Variants in PLEKHG4B observed in about 807,000 individuals in gnomAD.
PLEKHG4B encodes pleckstrin homology and RhoGEF domain containing G4B.
In PLEKHG4B, 111 loss-of-function variants were observed where a neutral mutation model predicts 121.3. That is an observed-to-expected ratio of 0.92 (90% CI 0.78 to 1.07). The LOEUF (loss-of-function observed/expected upper bound fraction) is 1.07, where lower values mean the gene tolerates loss of function less well. PLEKHG4B is among the 50% of genes least tolerant of loss of function. PLEKHG4B has a pLI of 0.00. For synonymous variants in PLEKHG4B, 738 were observed against 725.0 expected (o/e 1.02, Z -0.29); for missense variants, 1,831 against 1,757.8 (o/e 1.04, Z -0.74).
chr5:171,564 G>A, intron 16 of PLEKHG4B, 120 bp downstream of exon 16: 1 of 1,039,936 alleles, frequency 9.6e-7, no homozygotes, highest in Admixed American at 2.4e-5. Flanking sequence ...TTGCCCCGGA[G>A]AAGTCCCTCA....
rs996473053 is a variant in PLEKHG4B at position 162,838 on chromosome 5, G to C, written c.2766G>C (p.Gly922=). The change falls in exon 13 of 20, where the codon GGG becomes GGC. Residue 922 remains glycine, a synonymous_variant. Transcript: ENST00000637938. ...CGGTGGCTGCAGAGGCCTTCCCCGG[G>C]GCAGGTGTGGCAGTGCTGAAGCCTC... The part of the protein sequence containing the change: ...ATSVAAEAFP[G]AGVAVLKPHA... The C allele has an allele frequency of 4.6e-6, 7 of 1,510,366 alleles. No individual in the cohort carries two copies. Among genetic ancestry groups the C allele is most frequent in the Admixed American group, 2.2e-5 (1 of 44,708 alleles). The allele number at this position is 1,510,366 out of a possible 1,614,324, so 93.6% of individuals were successfully genotyped here. A position where few individuals can be genotyped will look rare whatever the true frequency, so the allele number is the denominator to read the frequency against.
At chr5:111,372 G>A (rs1393405821) in intron 1 of PLEKHG4B, among the ~76,000 whole-genome samples, 1 of 152,252 alleles carries the variant, frequency 6.6e-6, no homozygotes, top group Non-Finnish European at 1.5e-5. Flanking sequence ...GGGACCCACT[G>A]AGTGGAGCAT....
At chr5:148,964 G>A (rs115335150) in intron 6 of PLEKHG4B, among the ~76,000 whole-genome samples, 9 of 152,270 alleles carry the variant, frequency 5.9e-5, no homozygotes, top group African/African-American at 1.9e-4. Flanking sequence ...ACCATTCAAT[G>A]GAGAAAGGAC....
intron 14 of PLEKHG4B, among the ~76,000 whole-genome samples, chr5:170,003 G>A (rs1248839601): frequency 6.6e-6 from 1 of 152,180 alleles, no homozygotes; most frequent in Non-Finnish European, 1.5e-5. Flanking sequence ...CCTGCCAGAG[G>A]GACCAGCCTG....
At chr5:142,662 T>TCACACAATCACAC (rs1255636350) in intron 3 of PLEKHG4B, among the ~76,000 whole-genome samples, 1 of 152,034 alleles carries the variant, frequency 6.6e-6, no homozygotes, top group African/African-American at 2.4e-5. Flanking sequence ...ACCAGTCACA[T>TCACACAATCACAC]GCCTCACACA....
At chr5:109,740 C>T (rs142436080) in intron 1 of PLEKHG4B, among the ~76,000 whole-genome samples, 101 of 152,360 alleles carry the variant, frequency 6.6e-4, no homozygotes, top group South Asian at 2.1e-3. Flanking sequence ...AATGGGTTTT[C>T]GGACACCGTC....
intron 1 of PLEKHG4B, among the ~76,000 whole-genome samples, chr5:110,406 C>T (rs962770035): frequency 2.0e-5 from 3 of 151,170 alleles, no homozygotes; most frequent in Non-Finnish European, 4.4e-5. Context: ...CACGTGCACA[C>T]ACCCACACAA....
chr5:181,383 C>T (rs1221648858), intron 18 of PLEKHG4B, 131 bp from the exon 19 acceptor site: 6 of 936,820 alleles, frequency 6.4e-6, no homozygotes, highest in South Asian at 1.8e-5. Flanking sequence ...CCATGCCCCT[C>T]GTGGGGCAGG....
intron 2 of PLEKHG4B, among the ~76,000 whole-genome samples, chr5:115,544 C>T (rs551600555): frequency 6.6e-6 from 1 of 152,238 alleles, no homozygotes; most frequent in Non-Finnish European, 1.5e-5. Context: ...AAGTCCCAGA[C>T]AGCATCTTCT....
intron 2 of PLEKHG4B, among the ~76,000 whole-genome samples, chr5:131,497 T>G (rs1391865743): frequency 1.3e-5 from 2 of 152,238 alleles, no homozygotes; most frequent in African/African-American, 4.8e-5. Flanking sequence ...CCACATTTTC[T>G]TAATCAAGTC....
chr5:184,162 C>T lies in PLEKHG4B; in HGVS notation c.*1839C>T, dbSNP rs1354815417. On this transcript the variant is annotated 3_prime_UTR_variant, in exon 20 of 20. Coordinates refer to ENST00000637938, the MANE Select transcript of PLEKHG4B (RefSeq NM_052909.5). ...AGTGTGCCCAGTCCGAGTCCTAAAG[C>T]CTCAGAGCCAGGGAAGCCAGTGGTG... The T allele has an allele frequency of 6.6e-6, 1 of 152,184 alleles. No individual in the cohort carries two copies. Among genetic ancestry groups the T allele is most frequent in the African/African-American group, 2.4e-5 (1 of 41,428 alleles). The allele number at this position is 152,184 out of a possible 1,614,324, so 9.4% of individuals were successfully genotyped here. A position where few individuals can be genotyped will look rare whatever the true frequency, so the allele number is the denominator to read the frequency against.
chr5:127,351 T>TATTATTATTA lies in PLEKHG4B; in HGVS notation c.244-12131_244-12122dup, dbSNP rs1158429060. Among the ~76,000 whole-genome samples, 5 of 146,040 alleles carry TATTATTATTA rather than the reference T, an allele frequency of 3.4e-5. No individual in the cohort carries two copies. In the South Asian group the frequency reaches 8.6e-4, roughly 25 times the overall value. ...GCTTATTGTTGGTTTTTATTATTAT[T>TATTATTATTA]ATTATTATTATTATTATTATTATTA... On this transcript the variant is annotated intron_variant, in intron 2 of 19. Transcript: ENST00000637938.
In PLEKHG4B at chr5:156,918, G is replaced by T. The variant is rs781372928; in HGVS notation, c.2487+7G>T. 22 of 1,611,386 alleles carry T rather than the reference G, an allele frequency of 1.4e-5. No individual in the cohort carries two copies. The highest frequency in any genetic ancestry group is 1.9e-5 in the Non-Finnish European group (22 of 1,179,326). On this transcript the variant is annotated splice_region_variant and intron_variant, in intron 11 of 19. Transcript: ENST00000637938. The surrounding 1 kb of genome is among the most constrained non-coding windows in gnomAD (Gnocchi z 4.4). Reference sequence around the variant, plus strand: ...CCTGGAAGGGAATGACCAGGTCAGAGCTGCAGGAGGAAGGCGGCCCGGTCA... The same window carrying T: ...CCTGGAAGGGAATGACCAGGTCAGATCTGCAGGAGGAAGGCGGCCCGGTCA...
At chr5:109,410 A>AG (rs1560899751) in intron 1 of PLEKHG4B, among the ~76,000 whole-genome samples, 1 of 151,276 alleles carries the variant, frequency 6.6e-6, no homozygotes, top group East Asian at 1.9e-4. Flanking sequence ...AAAAAAAAAA[A>AG]AAAAAAAAAA....
At chr5:171,549 C>T in intron 16 of PLEKHG4B, 105 bp downstream of exon 16, 1 of 1,152,424 alleles carries the variant, frequency 8.7e-7, no homozygotes, top group Non-Finnish European at 1.2e-6. Flanking sequence ...GATGTGCTGG[C>T]AGATTTGCCC....
In PLEKHG4B at chr5:154,893, C is replaced by G. The variant is rs746171200; in HGVS notation, c.2011C>G (p.Leu671Val). Residue 671 changes from leucine (L) to valine (V), a missense_variant, in exon 8 of 20, where the codon CTG becomes GTG. Coordinates refer to ENST00000637938, the MANE Select transcript of PLEKHG4B (RefSeq NM_052909.5). ...TTGGCAGTGTGAGGTCGTGAGCTCC[C>G]TGAAGGCCGTGCACAAATTTGTTGA... ...AIIQCEVVSS[L>V]KAVHKFVDSC... 2.5e-6 allele frequency: 4 copies of G among 1,613,906 alleles called. No individual in the cohort carries two copies. The highest frequency in any genetic ancestry group is 1.6e-4 in the Middle Eastern group (1 of 6,062).
At chr5:138,232 G>T (rs2126394062) in intron 2 of PLEKHG4B, among the ~76,000 whole-genome samples, 1 of 152,310 alleles carries the variant, frequency 6.6e-6, no homozygotes, top group South Asian at 2.1e-4. Context: ...ATCTGTTCAG[G>T]TTATTTTCTG....
At chr5:131,823 G>C (rs1051094693) in intron 2 of PLEKHG4B, among the ~76,000 whole-genome samples, 17 of 152,138 alleles carry the variant, frequency 1.1e-4, no homozygotes, top group African/African-American at 4.1e-4. Context: ...GTGTGAGATG[G>C]TATCTCATTG....
At chr5:145,812 G>A (rs1238955354) in intron 6 of PLEKHG4B, among the ~76,000 whole-genome samples, 1 of 151,946 alleles carries the variant, frequency 6.6e-6, no homozygotes, top group Non-Finnish European at 1.5e-5. Context: ...GAGGGGACGG[G>A]GACAGAACCA....
Sources: gnomAD v4.1 joint callset for allele counts (sites outside exome capture counted in the v4.1 genomes callset) on GRCh38, gnomAD v4.1.1 for gene constraint, Gnocchi (gnomAD v3.1) non-coding constraint, MANE v1.5 for transcripts, NCBI Gene and HGNC (gene_info 2026-07-23, HGNC 2026-07-21) for gene names.